PPP1R12B: variants seen among roughly 807,000 people sequenced by gnomAD.
PPP1R12B encodes the protein myosin phosphatase target subunit 2.
PPP1R12B carries 76 observed loss-of-function variants against 126.1 expected under a neutral mutation model. That is an observed-to-expected ratio of 0.60 (90% CI 0.50 to 0.73). The LOEUF is 0.73. Among genes scored for constraint, PPP1R12B ranks in the 30% least tolerant of loss-of-function variants. The pLI is 0.00. For missense variants in PPP1R12B, 1,052 were observed against 1,205.1 expected, an observed-to-expected ratio of 0.87 and a Z score of 1.88; for synonymous variants, 356 against 434.7, an observed-to-expected ratio of 0.82 and a Z score of 2.25.
At chr1:202,445,203 A>C in intron 12 of PPP1R12B, 4 of 1,246,704 alleles carry the variant, frequency 3.2e-6, no homozygotes, top group Non-Finnish European at 4.0e-6. Context: ...CAGTGCAAAC[A>C]CTACTGCATC....
intron 14 of PPP1R12B, 66 bp from the exon 15 acceptor site, chr1:202,493,048 C>T (rs1469507909): frequency 7.3e-6 from 11 of 1,515,850 alleles, no homozygotes; most frequent in Non-Finnish European, 1.0e-5. Context: ...TGGGAATATT[C>T]CTGATCAATC....
intron 1 of PPP1R12B, among the ~76,000 whole-genome samples, chr1:202,357,611 T>G (rs993516033): frequency 1.3e-5 from 2 of 152,232 alleles, no homozygotes; most frequent in Non-Finnish European, 2.9e-5. Context: ...TTAAACCTGA[T>G]AATAGGGGCA....
intron 18 of PPP1R12B, among the ~76,000 whole-genome samples, chr1:202,506,840 C>T (rs1572325353): frequency 6.6e-6 from 1 of 152,142 alleles, no homozygotes; most frequent in African/African-American, 2.4e-5. Flanking sequence ...CTCTCAAAAG[C>T]AGCAGGAGAA....
At chr1:202,435,708 A>G (rs968422963) in intron 9 of PPP1R12B, among the ~76,000 whole-genome samples, 5 of 152,196 alleles carry the variant, frequency 3.3e-5, no homozygotes, top group African/African-American at 1.2e-4. Context: ...AGCTGTTGAA[A>G]AAGCTCTGTG....
At chr1:202,531,310 AAAAT>A (rs1397528348) in intron 18 of PPP1R12B, among the ~76,000 whole-genome samples, 1 of 152,224 alleles carries the variant, frequency 6.6e-6, no homozygotes, top group Non-Finnish European at 1.5e-5. Context: ...GTCTCCTTTA[AAAAT>A]AAATTGTTTG....
chr1:202,549,695 C>A (rs1686110956), intron 18 of PPP1R12B, among the ~76,000 whole-genome samples: 1 of 152,070 alleles, frequency 6.6e-6, no homozygotes, highest in Non-Finnish European at 1.5e-5. Context: ...TGGTATTACA[C>A]GCATGAGCCA....
At chr1:202,421,099 G>T (rs1668694466) in intron 2 of PPP1R12B, among the ~76,000 whole-genome samples, 1 of 150,860 alleles carries the variant, frequency 6.6e-6, no homozygotes, top group African/African-American at 2.4e-5. Context: ...GGGACTACAG[G>T]TGCCTGCCAC....
At chr1:202,422,911 CAAG>C (rs1264698672) in intron 3 of PPP1R12B, among the ~76,000 whole-genome samples, 173 bp downstream of exon 3, 1 of 152,212 alleles carries the variant, frequency 6.6e-6, no homozygotes, top group African/African-American at 2.4e-5. Context: ...ATAACTCAGA[CAAG>C]AATAGGCCAG....
intron 1 of PPP1R12B, among the ~76,000 whole-genome samples, chr1:202,394,984 A>AGTG (rs1382444189): frequency 6.6e-6 from 1 of 151,606 alleles, no homozygotes; most frequent in Non-Finnish European, 1.5e-5. Context: ...TGGATGTGGT[A>AGTG]GTGGGCGCTG....
rs1314028962 is a variant in PPP1R12B, at chr1:202,479,046, A to C, written c.1851-9487A>C. 3.3e-5 allele frequency among the ~76,000 whole-genome samples: 5 copies of C among 152,346 alleles called. No individual in the cohort carries two copies. In the East Asian group the frequency reaches 9.6e-4, roughly 29 times the overall value. On this transcript the variant is annotated intron_variant, in intron 13 of 23. Coordinates refer to ENST00000608999, the MANE Select transcript of PPP1R12B (RefSeq NM_002481.4). ...AGGTTTGCTGGTAATCTAGACAGAA[A>C]TTCATGGGAAGTTAGTTCTCACCAA...
At position 202,565,721 on chromosome 1, in the gene PPP1R12B, G is replaced by A. The variant is rs1687986172; in HGVS notation, c.2757+1174G>A. Reference sequence around the variant, plus strand: ...ATAGTAGCCCAACATGGCTCTACTGGAAATTTCTGAGACTTACTGCAACAC... The same window carrying A: ...ATAGTAGCCCAACATGGCTCTACTGAAAATTTCTGAGACTTACTGCAACAC... On this transcript the variant is annotated intron_variant, in intron 21 of 23. Transcript: ENST00000608999. The surrounding 1 kb of genome is among the most constrained non-coding windows in gnomAD (Gnocchi z 4.3). 6.6e-6 allele frequency among the ~76,000 whole-genome samples: 1 copy of A among 152,164 alleles called. No homozygotes were observed. The highest frequency in any genetic ancestry group is 2.4e-5 in the African/African-American group (1 of 41,434).
At chr1:202,570,043 G>T (rs567935867) in intron 23 of PPP1R12B, among the ~76,000 whole-genome samples, 1 of 152,182 alleles carries the variant, frequency 6.6e-6, no homozygotes, top group Non-Finnish European at 1.5e-5. Flanking sequence ...TGAAACATCT[G>T]ATTCCTGCAA....
intron 18 of PPP1R12B, among the ~76,000 whole-genome samples, chr1:202,515,310 T>G (rs1572354921): frequency 1.3e-5 from 2 of 148,412 alleles, no homozygotes; most frequent in African/African-American, 2.5e-5. Flanking sequence ...TTGTTTGTTT[T>G]TTTAAAAAAG....
chr1:202,459,441 T>C (rs952424746), intron 13 of PPP1R12B, among the ~76,000 whole-genome samples: 1 of 152,162 alleles, frequency 6.6e-6, no homozygotes, highest in Non-Finnish European at 1.5e-5. Flanking sequence ...GGATTCTAGA[T>C]AATTTATGGT....
At chr1:202,499,364 A>G (rs543026609) in intron 18 of PPP1R12B, among the ~76,000 whole-genome samples, 2 of 152,106 alleles carry the variant, frequency 1.3e-5, no homozygotes, top group Admixed American at 1.3e-4. Context: ...AAGTGATCCT[A>G]CTACCTCAGT....
At position 202,434,709 on chromosome 1, in the gene PPP1R12B, A is replaced by G; in HGVS notation, c.1195A>G (p.Ile399Val). ...TTCCAACTCTGAAAGCAAGAGTAGT[A>G]TCACAGAGCAGATACCAGCACCAGC... is the stretch of plus-strand genomic sequence containing the variant. ...NHSNSESKSS[I>V]TEQIPAPAQN... The change falls in exon 9 of 24, where the codon ATC becomes GTC. Residue 399 changes from isoleucine to valine, a missense_variant. Physicochemically the swap from Ile to Val is conservative, Grantham distance 29. Transcript: ENST00000608999. The G allele has an allele frequency of 1.9e-6, 3 of 1,613,922 alleles. No homozygotes were observed. The highest frequency in any genetic ancestry group is 2.7e-5 in the African/African-American group (2 of 75,034).
In PPP1R12B at chr1:202,349,007, CA is replaced by C. The variant is rs757125273; in HGVS notation, c.157del (p.Arg53GlyfsTer22). 2.5e-6 allele frequency: 4 copies of C among 1,609,044 alleles called. No individual in the cohort carries two copies. ...RQPLTRRGSP[R>X]VRFEDGAVFL... Reference sequence around the variant, plus strand: ...AGCCGCTGACCAGGCGCGGGAGCCCCAGGGTCCGCTTCGAGGACGGTGCTGT... The same window carrying C: ...AGCCGCTGACCAGGCGCGGGAGCCCCGGGTCCGCTTCGAGGACGGTGCTGT... On this transcript the variant is annotated frameshift_variant, in exon 1 of 24. Transcript: ENST00000608999. LOFTEE classifies it high-confidence loss of function.
intron 1 of PPP1R12B, among the ~76,000 whole-genome samples, chr1:202,364,484 C>T (rs1470732772): frequency 6.6e-6 from 1 of 152,070 alleles, no homozygotes; most frequent in Non-Finnish European, 1.5e-5. Context: ...AAGAGAGCAG[C>T]GGCTCAATCA....
chr1:202,355,960 A>G lies in PPP1R12B; in HGVS notation c.291+6818A>G, dbSNP rs566663999. 3.3e-5 allele frequency among the ~76,000 whole-genome samples: 5 copies of G among 152,234 alleles called. No individual in the cohort carries two copies. The East Asian group carries it at 7.7e-4, about 24-fold the overall frequency. ...CAAGGCGGGAGGATTGCTGGAGACC[A>G]GGAGTTTGAGACCAGCCTGAGCAAT... On this transcript the variant is annotated intron_variant, in intron 1 of 23. Coordinates refer to ENST00000608999, the MANE Select transcript of PPP1R12B (RefSeq NM_002481.4).
Sources: allele counts gnomAD v4.1 joint callset (sites outside exome capture counted in the v4.1 genomes callset), GRCh38; gene constraint gnomAD v4.1.1; non-coding constraint Gnocchi (gnomAD v3.1); transcripts MANE v1.5; gene names NCBI Gene and HGNC (gene_info 2026-07-23, HGNC 2026-07-21).